Variants in HS3ST1 observed in about 807,000 individuals in gnomAD.
HS3ST1 encodes the protein heparan sulfate glucosamine 3-O-sulfotransferase 1.
In HS3ST1, 8 loss-of-function variants were observed where a neutral mutation model predicts 20.7. The ratio of observed to expected loss-of-function variants is 0.39; its 90% CI spans 0.23 to 0.70. HS3ST1 has a LOEUF of 0.70. HS3ST1 is among the 30% of genes least tolerant of loss of function. The pLI is 0.46. For synonymous variants in HS3ST1, 205 were observed against 190.4 expected, an observed-to-expected ratio of 1.08 and a Z score of -0.63; for missense variants, 436 against 423.4, an observed-to-expected ratio of 1.03 and a Z score of -0.26.
upstream of HS3ST1, among the ~76,000 whole-genome samples, chr4:11,433,614 G>C (rs570565295): frequency 5.3e-5 from 8 of 152,090 alleles, no homozygotes; most frequent in South Asian, 4.2e-4. Flanking sequence ...TTGATGAGTC[G>C]GTCTTAATGA....
chr4:11,407,181 T>C (rs1453718285), intron 1 of HS3ST1, among the ~76,000 whole-genome samples: 2 of 152,202 alleles, frequency 1.3e-5, no homozygotes, highest in African/African-American at 2.4e-5. Context: ...TGGTAATTGC[T>C]GTGAGGTGGG....
rs1718104305 is a variant in HS3ST1, at chr4:11,395,191, T to C, written c.*3891A>G. 6.6e-6 allele frequency: 1 copy of C among 152,124 alleles called. No individual in the cohort carries two copies. The highest frequency in any genetic ancestry group is 2.4e-5 in the African/African-American group (1 of 41,424). 9.4% of individuals were successfully genotyped at this position (152,124 alleles called of 1,614,324 possible). On this transcript the variant is annotated 3_prime_UTR_variant, in exon 2 of 2. Coordinates refer to ENST00000002596, the MANE Select transcript of HS3ST1 (RefSeq NM_005114.4). ...GTGCGTGCCCCAGCTTTATGGCAAT[T>C]CCTCCATGAAGCCTTCCCACAGGAA...
chr4:11,408,765 A>G (rs891756337), intron 1 of HS3ST1, among the ~76,000 whole-genome samples: 1 of 152,226 alleles, frequency 6.6e-6, no homozygotes, highest in Admixed American at 6.5e-5. Context: ...ACTCAGTGCA[A>G]CTGAGTGGAA....
intron 1 of HS3ST1, among the ~76,000 whole-genome samples, chr4:11,407,569 A>T (rs1718500526): frequency 6.6e-6 from 1 of 152,186 alleles, no homozygotes; most frequent in African/African-American, 2.4e-5. Flanking sequence ...AGAATGATAA[A>T]TGCAACCTGT....
chr4:11,418,125 C>A (rs1440806713), intron 1 of HS3ST1, among the ~76,000 whole-genome samples: 2 of 152,190 alleles, frequency 1.3e-5, no homozygotes, highest in Non-Finnish European at 2.9e-5. Flanking sequence ...GCACCTTGCT[C>A]CCCTCCTACT....
intron 1 of HS3ST1, 27 bp from the exon 2 acceptor site, chr4:11,400,140 A>T: frequency 9.2e-6 from 13 of 1,418,828 alleles, no homozygotes; most frequent in Non-Finnish European, 1.2e-5. Flanking sequence ...GAAGATATTA[A>T]CATATAACAA....
chr4:11,407,307 C>A (rs916148880), intron 1 of HS3ST1, among the ~76,000 whole-genome samples: 1 of 152,120 alleles, frequency 6.6e-6, no homozygotes, highest in African/African-American at 2.4e-5. Flanking sequence ...TAATTGGCCC[C>A]ACTTTTTCCT....
At chr4:11,403,595 G>T (rs921072058) in intron 1 of HS3ST1, among the ~76,000 whole-genome samples, 1 of 152,140 alleles carries the variant, frequency 6.6e-6, no homozygotes, top group Non-Finnish European at 1.5e-5. Context: ...CGAGTAAGTG[G>T]TTGTAATGTA....
rs950033948 is a variant in HS3ST1 at position 11,399,973 on chromosome 4, C to T, written c.33G>A (p.Leu11=). The change falls in exon 2 of 2, where the codon CTG becomes CTA. Residue 11 remains leucine, a synonymous_variant. Transcript: ENST00000002596. The surrounding 1 kb of genome is among the most constrained non-coding windows in gnomAD (Gnocchi z 5.1). MAALLLGAVL[L]VAQPQLVPSR... ...AAGGCACTAGCTGGGGCTGGGCCAC[C>T]AGCAGCACCGCGCCCAGGAGCAGCG... 1.2e-5 allele frequency: 18 copies of T among 1,547,004 alleles called. No homozygotes were observed. The highest frequency in any genetic ancestry group is 1.5e-5 in the Non-Finnish European group (17 of 1,151,022).
Position 11,421,956 on chromosome 4 carries a change from C to T in HS3ST1, c.-109+6743G>A, listed in dbSNP as rs563430755. ...ATGGTGAGAGCTCCCCTGCAGTCCT[C>T]GCAGGACTGGGTACGAGAGATAAAG... On this transcript the variant is annotated intron_variant, in intron 1 of 1. Transcript: ENST00000002596. Among the ~76,000 whole-genome samples, 9 of 152,290 alleles carry T rather than the reference C, an allele frequency of 5.9e-5. No homozygotes were observed. The East Asian group carries it at 9.7e-4, about 16-fold the overall frequency.
At chr4:11,422,007 G>A (rs552522087) in intron 1 of HS3ST1, among the ~76,000 whole-genome samples, 31 of 152,362 alleles carry the variant, frequency 2.0e-4, no homozygotes, top group African/African-American at 7.2e-4. Flanking sequence ...GTCACATTAT[G>A]TGAAAGTAAG....
At chr4:11,405,414 T>G (rs1468816571) in intron 1 of HS3ST1, among the ~76,000 whole-genome samples, 1 of 152,176 alleles carries the variant, frequency 6.6e-6, no homozygotes, top group Non-Finnish European at 1.5e-5. Flanking sequence ...ATCTTCCAGA[T>G]GGAGGCTTCC....
intron 1 of HS3ST1, among the ~76,000 whole-genome samples, chr4:11,402,350 CGAT>C (rs1274211406): frequency 5.3e-5 from 8 of 152,156 alleles, no homozygotes; most frequent in African/African-American, 1.9e-4. Flanking sequence ...TAGCCAAGAA[CGAT>C]GAGGTTTCAG....
chr4:11,418,645 G>T (rs1410786070), intron 1 of HS3ST1, among the ~76,000 whole-genome samples: 1 of 152,122 alleles, frequency 6.6e-6, no homozygotes, highest in Admixed American at 6.5e-5. Context: ...CCCCAGAAAG[G>T]ATCAGTTCCC....
intron 1 of HS3ST1, among the ~76,000 whole-genome samples, chr4:11,404,496 C>A (rs1225210545): frequency 6.6e-6 from 1 of 152,180 alleles, no homozygotes; most frequent in Non-Finnish European, 1.5e-5. Context: ...AGATAGATAG[C>A]ACTGGGCATG....
chr4:11,400,734 A>G (rs1014821376), intron 1 of HS3ST1, among the ~76,000 whole-genome samples: 2 of 152,242 alleles, frequency 1.3e-5, no homozygotes, highest in Non-Finnish European at 1.5e-5. Context: ...GTGAATTAGT[A>G]TGAAAGATTG....
intron 1 of HS3ST1, among the ~76,000 whole-genome samples, chr4:11,426,147 T>C (rs1261344049): frequency 1.3e-5 from 2 of 152,198 alleles, no homozygotes; most frequent in Admixed American, 1.3e-4. Context: ...TACATCTTAC[T>C]GTGCCTTCCT....
At chr4:11,415,737 TATC>T (rs1203589046) in intron 1 of HS3ST1, among the ~76,000 whole-genome samples, 1 of 152,188 alleles carries the variant, frequency 6.6e-6, no homozygotes, top group Non-Finnish European at 1.5e-5. Context: ...AAGGACAACT[TATC>T]ATAAGATAAT....
In HS3ST1 at chr4:11,399,220, C is replaced by G; in HGVS notation, c.786G>C (p.Arg262=). The change falls in exon 2 of 2, where the codon CGG becomes CGC. Residue 262 remains arginine (R), a synonymous_variant. Transcript: ENST00000002596. This position sits in a 1 kb window ranked among gnomAD's most constrained non-coding sequence, Gnocchi z 5.1. ...KGFYCLRDSG[R]DRCLHESKGR... ...CTTTGGACTCATGTAAGCAGCGGTC[C>G]CGGCCGCTGTCCCGCAGGCAGTAAA... is the stretch of plus-strand genomic sequence containing the variant. The G allele has an allele frequency of 1.2e-5, 19 of 1,614,158 alleles. No individual in the cohort carries two copies. The highest frequency in any genetic ancestry group is 1.5e-5 in the Non-Finnish European group (18 of 1,180,042).
Sources: gnomAD v4.1 joint callset for allele counts (sites outside exome capture counted in the v4.1 genomes callset) on GRCh38, gnomAD v4.1.1 for gene constraint, Gnocchi (gnomAD v3.1) non-coding constraint, MANE v1.5 for transcripts, NCBI Gene and HGNC (gene_info 2026-07-23, HGNC 2026-07-21) for gene names.